Variants in RANBP9 observed in about 807,000 individuals in gnomAD.
The protein encoded by RANBP9 is RAN binding protein 9.
RANBP9 carries 15 observed loss-of-function variants against 84.3 expected under a neutral mutation model. The ratio of observed to expected loss-of-function variants is 0.18; its 90% CI spans 0.12 to 0.27. The LOEUF is 0.27. Ranked by LOEUF, RANBP9 falls within the 10% of genes least tolerant of loss-of-function variation. RANBP9 has a pLI of 1.00. For missense variants in RANBP9, 809 were observed against 912.8 expected (o/e 0.89, Z 1.46); for synonymous variants, 392 against 349.6 (o/e 1.12, Z -1.35).
chr6:13,673,603 A>G (rs1311631648), intron 2 of RANBP9, among the ~76,000 whole-genome samples: 1 of 152,192 alleles, frequency 6.6e-6, no homozygotes, highest in Non-Finnish European at 1.5e-5. Flanking sequence ...GCAATGCTAT[A>G]AGGGACAGGA....
chr6:13,664,800 A>G (rs1765612456), intron 2 of RANBP9, among the ~76,000 whole-genome samples: 1 of 152,196 alleles, frequency 6.6e-6, no homozygotes, highest in Non-Finnish European at 1.5e-5. Flanking sequence ...TGGAAATGTG[A>G]AGGATCTAAA....
intron 12 of RANBP9, among the ~76,000 whole-genome samples, chr6:13,627,988 ACTACACTGCAGTGTTT>A: frequency 6.6e-6 from 1 of 152,314 alleles, no homozygotes; most frequent in South Asian, 2.1e-4. Context: ...AAAAAATACT[ACTACACTGCAGTGTTT>A]AAAAACTCAG....
intron 2 of RANBP9, among the ~76,000 whole-genome samples, chr6:13,669,630 A>C (rs1275466861): frequency 6.6e-6 from 1 of 152,182 alleles, no homozygotes; most frequent in Non-Finnish European, 1.5e-5. Context: ...GTCTCACTTT[A>C]ACCAGGCTGC....
In RANBP9 at chr6:13,704,623, C is replaced by T. The variant is rs1230099681; in HGVS notation, c.571+6312G>A. On this transcript the variant is annotated intron_variant, in intron 1 of 13. Transcript: ENST00000011619. ...TCTAGCCTGGACAATGGAGTCAGACCCTGCCTCAAAAGAGAAAAAAAAAAA... is the reference window on the plus strand; with the variant it reads ...TCTAGCCTGGACAATGGAGTCAGACTCTGCCTCAAAAGAGAAAAAAAAAAA... 2.6e-5 allele frequency among the ~76,000 whole-genome samples: 4 copies of T among 151,854 alleles called. No individual in the cohort carries two copies. The East Asian group carries it at 7.7e-4, about 29-fold the overall frequency.
chr6:13,661,802 C>T lies in RANBP9; in HGVS notation c.684-2970G>A, dbSNP rs140524982. Among the ~76,000 whole-genome samples the T allele has an allele frequency of 2.5e-3, 377 of 152,148 alleles. 2 individuals carry two copies. Among genetic ancestry groups the T allele is most frequent in the African/African-American group, 8.6e-3 (356 of 41,536 alleles). ...AAGACACACTGTAGAATATCAATCACGGGCATAATCTTAAAAGCTACCAGA... is the reference window on the plus strand; with the variant it reads ...AAGACACACTGTAGAATATCAATCATGGGCATAATCTTAAAAGCTACCAGA... On this transcript the variant is annotated intron_variant, in intron 2 of 13. Transcript: ENST00000011619.
chr6:13,698,508 T>C (rs1464021961), intron 1 of RANBP9, among the ~76,000 whole-genome samples: 1 of 152,218 alleles, frequency 6.6e-6, no homozygotes, highest in Non-Finnish European at 1.5e-5. Flanking sequence ...ATTTAAAAAT[T>C]AGATTGTTAC....
At chr6:13,664,577 A>T (rs1445192544) in intron 2 of RANBP9, among the ~76,000 whole-genome samples, 1 of 152,164 alleles carries the variant, frequency 6.6e-6, no homozygotes, top group Non-Finnish European at 1.5e-5. Flanking sequence ...TAAGATGACT[A>T]TAGTTCACAA....
At chr6:13,693,295 A>T (rs1766369621) in intron 2 of RANBP9, among the ~76,000 whole-genome samples, 1 of 152,202 alleles carries the variant, frequency 6.6e-6, no homozygotes, top group African/African-American at 2.4e-5. Flanking sequence ...GCAGGTGAGA[A>T]TTAGGGATTC....
intron 2 of RANBP9, among the ~76,000 whole-genome samples, chr6:13,682,389 C>G (rs1390281011): frequency 2.9e-4 from 30 of 103,558 alleles, no homozygotes; most frequent in African/African-American, 1.1e-3. Context: ...AAGACTGAAG[C>G]AAAATTAAAA....
At chr6:13,705,231 C>T (rs1758073797) in intron 1 of RANBP9, among the ~76,000 whole-genome samples, 1 of 151,592 alleles carries the variant, frequency 6.6e-6, no homozygotes, top group Non-Finnish European at 1.5e-5. Context: ...TGGCAAAACC[C>T]CATCGCTACT....
chr6:13,626,722 A>G (rs1764616336), intron 12 of RANBP9, among the ~76,000 whole-genome samples: 1 of 152,082 alleles, frequency 6.6e-6, no homozygotes, highest in Admixed American at 6.5e-5. Context: ...GTTCAGGAAC[A>G]CAACACTTTG....
chr6:13,647,534 T>C (rs1765198405), intron 5 of RANBP9, among the ~76,000 whole-genome samples: 1 of 152,166 alleles, frequency 6.6e-6, no homozygotes, highest in African/African-American at 2.4e-5. Context: ...TATAACATAT[T>C]GTATATGGTA....
chr6:13,683,076 G>C (rs1326859941), intron 2 of RANBP9, among the ~76,000 whole-genome samples: 1 of 152,174 alleles, frequency 6.6e-6, no homozygotes, highest in Admixed American at 6.5e-5. Context: ...TCACTGGGAT[G>C]AATCTCAACT....
chr6:13,676,263 G>C (rs763247855), intron 2 of RANBP9, among the ~76,000 whole-genome samples: 3 of 151,896 alleles, frequency 2.0e-5, no homozygotes, highest in South Asian at 4.1e-4. Flanking sequence ...GTTATTGTTT[G>C]TAAAAGCTAA....
intron 1 of RANBP9, among the ~76,000 whole-genome samples, 166 bp downstream of exon 1, chr6:13,710,769 T>TC (rs1758256383): frequency 6.6e-6 from 1 of 151,988 alleles, no homozygotes; most frequent in Admixed American, 6.6e-5. Context: ...CTCGGACCCT[T>TC]CACCGCGACC....
intron 2 of RANBP9, among the ~76,000 whole-genome samples, chr6:13,675,249 A>G (rs1282220049): frequency 3.9e-5 from 6 of 152,194 alleles, no homozygotes; most frequent in African/African-American, 9.6e-5. Flanking sequence ...ATTCACCAAA[A>G]CAGAACACAT....
At chr6:13,689,894 C>A (rs1766283374) in intron 2 of RANBP9, among the ~76,000 whole-genome samples, 1 of 152,090 alleles carries the variant, frequency 6.6e-6, no homozygotes, top group Admixed American at 6.5e-5. Context: ...CTGCCTTGTC[C>A]CACCATATCT....
At chr6:13,661,491 A>G (rs778334645) in intron 2 of RANBP9, among the ~76,000 whole-genome samples, 7 of 152,018 alleles carry the variant, frequency 4.6e-5, no homozygotes, top group Admixed American at 6.6e-5. Flanking sequence ...GGCATGTGGG[A>G]AAAAAAATGA....
chr6:13,637,799 A>G lies in RANBP9; in HGVS notation c.1673+9T>C, dbSNP rs960907760. 1.3e-6 allele frequency: 2 copies of G among 1,574,368 alleles called. No individual in the cohort carries two copies. Among genetic ancestry groups the G allele is most frequent in the Admixed American group, 1.9e-5 (1 of 51,402 alleles). Reference sequence around the variant, plus strand: ...TTATATTAGTGCAAAAGTCAGTGAAATTACTTACCTGGTGAAGTTATTAAC... The same window carrying G: ...TTATATTAGTGCAAAAGTCAGTGAAGTTACTTACCTGGTGAAGTTATTAAC... On this transcript the variant is annotated intron_variant, in intron 10 of 13. Transcript: ENST00000011619.
Sources: gnomAD v4.1 joint callset for allele counts (sites outside exome capture counted in the v4.1 genomes callset) on GRCh38, gnomAD v4.1.1 for gene constraint, MANE v1.5 for transcripts, NCBI Gene and HGNC (gene_info 2026-07-23, HGNC 2026-07-21) for gene names.